Variants in GRWD1 observed in about 807,000 individuals in gnomAD.
The protein encoded by GRWD1 is glutamate-rich WD repeat-containing protein 1.
GRWD1 carries 29 observed loss-of-function variants against 45.3 expected under a neutral mutation model. The observed-to-expected ratio is 0.64, with a 90% CI of 0.48 to 0.87. The LOEUF is 0.87. Ranked by LOEUF, GRWD1 falls within the 40% of genes least tolerant of loss-of-function variation. GRWD1 has a pLI of 0.00. For synonymous variants in GRWD1, 262 were observed against 257.6 expected, an observed-to-expected ratio of 1.02 and a Z score of -0.16; for missense variants, 592 against 618.8, an observed-to-expected ratio of 0.96 and a Z score of 0.46.
At chr19:48,451,298 G>T in intron 6 of GRWD1, 67 bp downstream of exon 6, 1 of 1,403,096 alleles carries the variant, frequency 7.1e-7, no homozygotes, top group Non-Finnish European at 9.6e-7. Context: ...GGATTTGTAG[G>T]ATTTTTCCTC....
At position 48,450,236 on chromosome 19, in the gene GRWD1, T is replaced by C. The variant is rs1357416697; in HGVS notation, c.469-77T>C. 3.5e-6 allele frequency: 4 copies of C among 1,127,054 alleles called. No individual in the cohort carries two copies. The East Asian group carries it at 7.7e-5, about 22-fold the overall frequency. 69.8% of individuals were successfully genotyped at this position (1,127,054 alleles called of 1,614,324 possible). On this transcript the variant is annotated intron_variant, in intron 3 of 6. Coordinates refer to ENST00000253237, the MANE Select transcript of GRWD1 (RefSeq NM_031485.4). The surrounding 1 kb of genome is among the most constrained non-coding windows in gnomAD (Gnocchi z 5.1). Reference sequence around the variant, plus strand: ...AGCGCACTTCTGGTTCTCTGGGATATGGGGAGCGTGGGGTCAGTGCCTTGA... The same window carrying C: ...AGCGCACTTCTGGTTCTCTGGGATACGGGGAGCGTGGGGTCAGTGCCTTGA...
rs752819656 is a variant in GRWD1 at position 48,452,806 on chromosome 19, A to G, written c.1122A>G (p.Ala374=). 2.3e-5 allele frequency: 37 copies of G among 1,613,048 alleles called. No homozygotes were observed. Among genetic ancestry groups the G allele is most frequent in the Non-Finnish European group, 3.1e-5 (36 of 1,179,224 alleles). Residue 374 remains alanine (A), a synonymous_variant, in exon 7 of 7, where the codon GCA becomes GCG. Coordinates refer to ENST00000253237, the MANE Select transcript of GRWD1 (RefSeq NM_031485.4). The surrounding 1 kb of genome is among the most constrained non-coding windows in gnomAD (Gnocchi z 5.1). The stretch of plus-strand genomic sequence containing the variant: ...GCGGGGTCTTTGCAGCCTCGGGTGC[A>G]GACCACCAGATCACACAGTGGGACC... ...QDSGVFAASG[A]DHQITQWDLA...
chr19:48,446,175 A>G lies in GRWD1; in HGVS notation c.170A>G (p.Tyr57Cys), dbSNP rs1971399290. The change falls in exon 1 of 7, where the codon TAC (tyrosine) becomes TGC (cysteine). Residue 57 changes from tyrosine to cysteine, a missense_variant. Tyr to Cys is a radical substitution (Grantham distance 194, BLOSUM62 -2). Transcript: ENST00000253237. ...ATGGACGAGGAGGCCTATGTGCTCT[A>G]CCACCGAGCGCAGACTGGTAGGGCT... is the stretch of plus-strand genomic sequence containing the variant. ...LVMDEEAYVL[Y>C]HRAQTGAPCL... 1 of 1,602,014 alleles carries G rather than the reference A, an allele frequency of 6.2e-7. No homozygotes were observed. The highest frequency in any genetic ancestry group is 1.1e-5 in the South Asian group (1 of 89,752).
rs372404488 is a variant in GRWD1, at chr19:48,451,220, C to T, written c.1012C>T (p.Arg338Trp). 24 of 1,593,900 alleles carry T rather than the reference C, an allele frequency of 1.5e-5. No homozygotes were observed. The highest frequency in any genetic ancestry group is 6.7e-5 in the East Asian group (3 of 44,532). Residue 338 changes from arginine to tryptophan, a missense_variant, in exon 6 of 7, where the codon CGG becomes TGG. Physicochemically the swap from Arg to Trp is moderately radical, Grantham distance 101. Transcript: ENST00000253237. ...TGGGGCCCTCAAGATCTGGGACCTT[C>T]GGCAGTTCAAGGTATTTTCCCAGCC... ...DDGALKIWDLRQFKSGSPVAT... is the reference protein window; with the variant it reads ...DDGALKIWDLWQFKSGSPVAT...
At position 48,452,905 on chromosome 19, in the gene GRWD1, G is replaced by A; in HGVS notation, c.1221G>A (p.Leu407=). The change falls in exon 7 of 7, where the codon CTG becomes CTA. Residue 407 remains leucine, a synonymous_variant. Coordinates refer to ENST00000253237, the MANE Select transcript of GRWD1 (RefSeq NM_031485.4). This position sits in a 1 kb window ranked among gnomAD's most constrained non-coding sequence, Gnocchi z 5.1. ...GACTGGCCGACCTCCCGCAGCAGCT[G>A]CTGTTCGTGCACCAGGGCGAGACCG... ...DPGLADLPQQ[L]LFVHQGETEL... 1 of 1,612,086 alleles carries A rather than the reference G, an allele frequency of 6.2e-7. No homozygotes were observed. The highest frequency in any genetic ancestry group is 8.5e-7 in the Non-Finnish European group (1 of 1,179,822).
At position 48,450,238 on chromosome 19, in the gene GRWD1, G is replaced by A; in HGVS notation, c.469-75G>A. 1 of 1,151,780 alleles carries A rather than the reference G, an allele frequency of 8.7e-7. No individual in the cohort carries two copies. Among genetic ancestry groups the A allele is most frequent in the Non-Finnish European group, 1.3e-6 (1 of 790,090 alleles). 71.3% of individuals were successfully genotyped at this position (1,151,780 alleles called of 1,614,324 possible). ...CGCACTTCTGGTTCTCTGGGATATG[G>A]GGAGCGTGGGGTCAGTGCCTTGATC... On this transcript the variant is annotated intron_variant, in intron 3 of 6. Transcript: ENST00000253237. The surrounding 1 kb of genome is among the most constrained non-coding windows in gnomAD (Gnocchi z 5.1).
rs1002184073 is a variant in GRWD1, at chr19:48,452,911, C to G, written c.1227C>G (p.Phe409Leu). 6.2e-7 allele frequency: 1 copy of G among 1,611,986 alleles called. No individual in the cohort carries two copies. Among genetic ancestry groups the G allele is most frequent in the Non-Finnish European group, 8.5e-7 (1 of 1,179,844 alleles). The change falls in exon 7 of 7, where the codon TTC becomes TTG. Residue 409 changes from phenylalanine (F) to leucine (L), a missense_variant. Physicochemically the swap from Phe to Leu is conservative, Grantham distance 22. Coordinates refer to ENST00000253237, the MANE Select transcript of GRWD1 (RefSeq NM_031485.4). This position sits in a 1 kb window ranked among gnomAD's most constrained non-coding sequence, Gnocchi z 5.1. ...GLADLPQQLL[F>L]VHQGETELKE... ...CCGACCTCCCGCAGCAGCTGCTGTT[C>G]GTGCACCAGGGCGAGACCGAGCTGA...
Position 48,451,152 on chromosome 19 carries a change from G to A in GRWD1, c.944G>A (p.Ser315Asn). The change falls in exon 6 of 7, where the codon AGC becomes AAC. Residue 315 changes from serine to asparagine, a missense_variant. Physicochemically the swap from Ser to Asn is conservative, Grantham distance 46 (BLOSUM62 1). Coordinates refer to ENST00000253237, the MANE Select transcript of GRWD1 (RefSeq NM_031485.4). ...CATGATGGGGACGTCAATGTCATCA[G>A]CTGGAGCCGCCGGGAGCCCTTCCTG... is the stretch of plus-strand genomic sequence containing the variant. The part of the protein sequence containing the change: ...TAHDGDVNVI[S>N]WSRREPFLLS... 6.2e-7 allele frequency: 1 copy of A among 1,614,052 alleles called. No homozygotes were observed. The highest frequency in any genetic ancestry group is 1.1e-5 in the South Asian group (1 of 91,080).
At position 48,452,773 on chromosome 19, in the gene GRWD1, C is replaced by T. The variant is rs373088568; in HGVS notation, c.1089C>T (p.Pro363=). Residue 363 remains proline (P), a synonymous_variant, in exon 7 of 7, where the codon CCC becomes CCT. Coordinates refer to ENST00000253237, the MANE Select transcript of GRWD1 (RefSeq NM_031485.4). The surrounding 1 kb of genome is among the most constrained non-coding windows in gnomAD (Gnocchi z 5.1). Reference sequence around the variant, plus strand: ...CCGTGACCTCCGTCGAGTGGCACCCCCAGGACAGCGGGGTCTTTGCAGCCT... The same window carrying T: ...CCGTGACCTCCGTCGAGTGGCACCCTCAGGACAGCGGGGTCTTTGCAGCCT... ...VAPVTSVEWH[P]QDSGVFAASG... is the part of the protein sequence containing the mutation. The T allele has an allele frequency of 8.1e-6, 13 of 1,608,684 alleles. No homozygotes were observed. The highest frequency in any genetic ancestry group is 1.1e-5 in the Non-Finnish European group (13 of 1,175,916).
chr19:48,453,078 G>C lies in GRWD1; in HGVS notation c.*53G>C, dbSNP rs1971495017. ...CCTGCTTGGAAACTGAAGTCGAATT[G>C]GGCTCCCCTGGAAGGGGTTCATTCA... On this transcript the variant is annotated 3_prime_UTR_variant, in exon 7 of 7. Transcript: ENST00000253237. 9.4e-6 allele frequency: 14 copies of C among 1,496,828 alleles called. No homozygotes were observed. Among genetic ancestry groups the C allele is most frequent in the Non-Finnish European group, 1.3e-5 (14 of 1,109,440 alleles). The allele number at this position is 1,496,828 out of a possible 1,614,324, so 92.7% of individuals were successfully genotyped here.
chr19:48,446,359 T>C (rs1407842373), intron 1 of GRWD1, 26 bp from the exon 2 acceptor site: 4 of 1,608,348 alleles, frequency 2.5e-6, no homozygotes, highest in Non-Finnish European at 2.6e-6. Flanking sequence ...CCGTCTTAAC[T>C]CGTAAACCCC....
intron 6 of GRWD1, 58 bp downstream of exon 6, chr19:48,451,289 G>GAGCA: frequency 7.0e-7 from 1 of 1,434,820 alleles, no homozygotes; most frequent in Non-Finnish European, 9.4e-7. Flanking sequence ...CAGCCCCTGG[G>GAGCA]ATTTGTAGGA....
Position 48,450,574 on chromosome 19 carries a change from G to C in GRWD1, c.682+48G>C, listed in dbSNP as rs780153219. The C allele has an allele frequency of 1.2e-6, 2 of 1,610,994 alleles. No individual in the cohort carries two copies. Among genetic ancestry groups the C allele is most frequent in the Non-Finnish European group, 1.7e-6 (2 of 1,177,958 alleles). On this transcript the variant is annotated intron_variant, in intron 4 of 6. Coordinates refer to ENST00000253237, the MANE Select transcript of GRWD1 (RefSeq NM_031485.4). This position sits in a 1 kb window ranked among gnomAD's most constrained non-coding sequence, Gnocchi z 5.1. ...AGTCCCGGGAGGTCGGGGGAGCAGG[G>C]TCTGCAACAAGGGGCCGGGCGCTTA...
intron 1 of GRWD1, 21 bp downstream of exon 1, chr19:48,446,213 C>T: frequency 6.3e-7 from 1 of 1,588,494 alleles, no homozygotes; most frequent in African/African-American, 1.4e-5. Context: ...GTCCGGACTC[C>T]AGGGTCCTGA....
Position 48,446,674 on chromosome 19 carries a change from C to A in GRWD1, c.306-7C>A. On this transcript the variant is annotated splice_region_variant and splice_polypyrimidine_tract_variant and intron_variant, in intron 2 of 6. Transcript: ENST00000253237. Reference sequence around the variant, plus strand: ...TAGTGCCTAACTCACCCCACAATTTCTCCCAGACTGATGATGCTTCGGATG... The same window carrying A: ...TAGTGCCTAACTCACCCCACAATTTATCCCAGACTGATGATGCTTCGGATG... The A allele has an allele frequency of 6.3e-7, 1 of 1,578,252 alleles. No homozygotes were observed. Among genetic ancestry groups the A allele is most frequent in the East Asian group, 2.3e-5 (1 of 42,822 alleles).
chr19:48,449,382 G>T (rs536657922), intron 3 of GRWD1, among the ~76,000 whole-genome samples: 2 of 152,278 alleles, frequency 1.3e-5, no homozygotes, highest in South Asian at 4.1e-4. Flanking sequence ...GCGAGCCACC[G>T]CGCCTGGCCC....
In GRWD1 at chr19:48,446,662, A is replaced by G; in HGVS notation, c.306-19A>G. 1.3e-6 allele frequency: 2 copies of G among 1,569,088 alleles called. No individual in the cohort carries two copies. Among genetic ancestry groups the G allele is most frequent in the Non-Finnish European group, 1.7e-6 (2 of 1,156,464 alleles). On this transcript the variant is annotated intron_variant, in intron 2 of 6. Transcript: ENST00000253237. Reference sequence around the variant, plus strand: ...AATCCTGGAATCTAGTGCCTAACTCACCCCACAATTTCTCCCAGACTGATG... The same window carrying G: ...AATCCTGGAATCTAGTGCCTAACTCGCCCCACAATTTCTCCCAGACTGATG...
Position 48,450,590 on chromosome 19 carries a change from C to T in GRWD1, c.682+64C>T, listed in dbSNP as rs1367474153. On this transcript the variant is annotated intron_variant, in intron 4 of 6. Coordinates refer to ENST00000253237, the MANE Select transcript of GRWD1 (RefSeq NM_031485.4). The surrounding 1 kb of genome is among the most constrained non-coding windows in gnomAD (Gnocchi z 5.1). ...GGGAGCAGGGTCTGCAACAAGGGGC[C>T]GGGCGCTTAGACTCCAAGGAGGGGA... is the stretch of plus-strand genomic sequence containing the variant. 14 of 1,609,474 alleles carry T rather than the reference C, an allele frequency of 8.7e-6. No individual in the cohort carries two copies. Among genetic ancestry groups the T allele is most frequent in the African/African-American group, 1.3e-5 (1 of 74,786 alleles).
rs978702124 is a variant in GRWD1, at chr19:48,456,364, C to G, written c.*3339C>G. ...TATTTCCCCTTTTTGGGAGAACAGTCTCTAACATGCAGGGTTGTCAGGGGT... is the reference window on the plus strand; with the variant it reads ...TATTTCCCCTTTTTGGGAGAACAGTGTCTAACATGCAGGGTTGTCAGGGGT... On this transcript the variant is annotated 3_prime_UTR_variant, in exon 7 of 7. Transcript: ENST00000253237. 4 of 152,490 alleles carry G rather than the reference C, an allele frequency of 2.6e-5. No homozygotes were observed. The highest frequency in any genetic ancestry group is 1.3e-4 in the Admixed American group (2 of 15,308). The allele number at this position is 152,490 out of a possible 1,614,324, so 9.4% of individuals were successfully genotyped here.
Sources: gnomAD v4.1 joint callset for allele counts (sites outside exome capture counted in the v4.1 genomes callset) on GRCh38, gnomAD v4.1.1 for gene constraint, Gnocchi (gnomAD v3.1) non-coding constraint, MANE v1.5 for transcripts, NCBI Gene and HGNC (gene_info 2026-07-23, HGNC 2026-07-21) for gene names.